KCNU1: variants seen among roughly 807,000 people sequenced by gnomAD.
KCNU1 encodes potassium calcium-activated channel subfamily U member 1.
A neutral mutation model predicts 126.8 loss-of-function variants in KCNU1; 93 were observed. That is an observed-to-expected ratio of 0.73 (90% CI 0.62 to 0.87). The LOEUF (loss-of-function observed/expected upper bound fraction) is 0.87. Among genes scored for constraint, KCNU1 ranks in the 40% least tolerant of loss-of-function variants. KCNU1 has a pLI of 0.00. For synonymous variants in KCNU1, 523 were observed against 494.2 expected (o/e 1.06, Z -0.77); for missense variants, 1,330 against 1,367.1 (o/e 0.97, Z 0.43).
chr8:36,803,671 AATAGATGTTTG>A (rs1803392862), intron 2 of KCNU1, among the ~76,000 whole-genome samples: 1 of 152,324 alleles, frequency 6.6e-6, no homozygotes, highest in African/African-American at 2.4e-5. Context: ...TTAAGCACTT[AATAGATGTTTG>A]ATGAGTGAAT....
chr8:36,794,055 C>CAAA (rs747930765), intron 2 of KCNU1, among the ~76,000 whole-genome samples: 7 of 64,926 alleles, frequency 1.1e-4, no homozygotes, highest in East Asian at 1.0e-3. Flanking sequence ...CTCTGTCTCT[C>CAAA]AAAAAAAAAA....
chr8:36,912,280 C>T (rs1309432706), intron 22 of KCNU1, among the ~76,000 whole-genome samples: 1 of 152,172 alleles, frequency 6.6e-6, no homozygotes, highest in African/African-American at 2.4e-5. Context: ...GACACTGTTG[C>T]TATGCAAGAA....
rs368536733 is a variant in KCNU1 at position 36,864,441 on chromosome 8, A to T, written c.1929A>T (p.Gly643=). 4 of 1,612,394 alleles carry T rather than the reference A, an allele frequency of 2.5e-6. No homozygotes were observed. The African/African-American group carries it at 5.3e-5, about 22-fold the overall frequency. The change falls in exon 19 of 27, where the codon GGA becomes GGT. Residue 643 remains glycine, a synonymous_variant. Coordinates refer to ENST00000399881, the MANE Select transcript of KCNU1 (RefSeq NM_001031836.3). ...AGAGAATGAAAAAATGTCTGAAGGG[A>T]ATCTCCTCTCGTATATCAGGGCAGG... ...SVKRMKKCLK[G]ISSRISGQDS...
rs374392557 is a variant in KCNU1 at position 36,883,544 on chromosome 8, A to T, written c.2009+19023A>T. Among the ~76,000 whole-genome samples the T allele has an allele frequency of 1.2e-4, 18 of 152,122 alleles. No homozygotes were observed. The East Asian group carries it at 2.5e-3, about 21-fold the overall frequency. ...CATGCCTGTAATCCCAGCACTTGGG[A>T]AGGCAGAGGTGGGAGGATCACTTGA... On this transcript the variant is annotated intron_variant, in intron 19 of 26. Coordinates refer to ENST00000399881, the MANE Select transcript of KCNU1 (RefSeq NM_001031836.3).
chr8:36,920,748 G>T (rs753825489), intron 23 of KCNU1, among the ~76,000 whole-genome samples: 1 of 152,248 alleles, frequency 6.6e-6, no homozygotes, highest in Non-Finnish European at 1.5e-5. Context: ...GCGCATGTGT[G>T]TGTGTGGAGG....
intron 24 of KCNU1, chr8:36,923,037 C>T: frequency 6.5e-6 from 3 of 458,390 alleles, no homozygotes; most frequent in South Asian, 4.6e-5. Context: ...AAGCTCTGGC[C>T]TTTGCTGGTG....
intron 4 of KCNU1, 75 bp from the exon 5 acceptor site, chr8:36,806,194 G>T: frequency 1.2e-6 from 1 of 826,630 alleles, no homozygotes; most frequent in Non-Finnish European, 1.9e-6. Flanking sequence ...AAATGCAGCT[G>T]AATAATGCTA....
chr8:36,832,858 T>C (rs1804604490), intron 10 of KCNU1, among the ~76,000 whole-genome samples: 3 of 152,270 alleles, frequency 2.0e-5, no homozygotes, highest in Middle Eastern at 3.4e-3. Flanking sequence ...ATATATTTAA[T>C]ATTTTCAACA....
intron 10 of KCNU1, 89 bp from the exon 11 acceptor site, chr8:36,833,465 C>G: frequency 1.4e-6 from 1 of 729,326 alleles, no homozygotes; most frequent in South Asian, 1.6e-5. Flanking sequence ...AGGGATTCTA[C>G]TAAATGCACC....
intron 2 of KCNU1, among the ~76,000 whole-genome samples, chr8:36,787,700 T>C (rs868540861): frequency 2.1e-3 from 307 of 148,002 alleles, no homozygotes; most frequent in African/African-American, 7.2e-3. Flanking sequence ...TGATATGTTG[T>C]TAATAATGTT....
At chr8:36,866,061 A>G (rs1367487307) in intron 19 of KCNU1, among the ~76,000 whole-genome samples, 3 of 152,114 alleles carry the variant, frequency 2.0e-5, no homozygotes, top group Admixed American at 2.0e-4. Flanking sequence ...AAAAGGTACC[A>G]AGGAATCACT....
At chr8:36,865,392 C>G (rs1374610054) in intron 19 of KCNU1, among the ~76,000 whole-genome samples, 1 of 152,050 alleles carries the variant, frequency 6.6e-6, no homozygotes, top group African/African-American at 2.4e-5. Flanking sequence ...ATTTCAAAGA[C>G]AATTCTGTAC....
chr8:36,792,284 TCTC>T (rs1303493530), intron 2 of KCNU1, among the ~76,000 whole-genome samples: 1 of 152,192 alleles, frequency 6.6e-6, no homozygotes, highest in Non-Finnish European at 1.5e-5. Flanking sequence ...AGGATACTCT[TCTC>T]CTCCCATAAT....
In KCNU1 at chr8:36,857,728, C is replaced by T. The variant is rs145973136; in HGVS notation, c.1892-6676C>T. ...TGGCTTGATCTTGGCTCATTGCAAG[C>T]TCCACCTCCCGGGTTAAAGTGATTC... On this transcript the variant is annotated intron_variant, in intron 18 of 26. Coordinates refer to ENST00000399881, the MANE Select transcript of KCNU1 (RefSeq NM_001031836.3). Among the ~76,000 whole-genome samples, 115 of 152,172 alleles carry T rather than the reference C, an allele frequency of 7.6e-4. 1 individual carries two copies. Among genetic ancestry groups the T allele is most frequent in the African/African-American group, 2.7e-3 (112 of 41,490 alleles).
intron 10 of KCNU1, among the ~76,000 whole-genome samples, chr8:36,827,689 C>G (rs916812479): frequency 1.3e-5 from 2 of 152,068 alleles, no homozygotes; most frequent in African/African-American, 2.4e-5. Context: ...TGTATGTATG[C>G]AAACATAAAC....
intron 19 of KCNU1, among the ~76,000 whole-genome samples, chr8:36,891,752 CT>C (rs139395812): frequency 2.0e-5 from 3 of 151,728 alleles, no homozygotes; most frequent in South Asian, 2.1e-4. Context: ...ACTGATAAGC[CT>C]TTTTTTTGAG....
chr8:36,911,150 T>C (rs1409001227), intron 22 of KCNU1, 31 bp downstream of exon 22: 3 of 1,521,394 alleles, frequency 2.0e-6, no homozygotes, highest in Non-Finnish European at 2.7e-6. Context: ...AAGAAGAAAC[T>C]AGGACGTATG....
chr8:36,826,516 A>C (rs1232135970), intron 10 of KCNU1, among the ~76,000 whole-genome samples: 1 of 151,950 alleles, frequency 6.6e-6, no homozygotes, highest in Non-Finnish European at 1.5e-5. Context: ...GGCCGTATGA[A>C]CTGAATTTCT....
At chr8:36,816,608 A>G (rs1803922339) in intron 9 of KCNU1, among the ~76,000 whole-genome samples, 1 of 152,100 alleles carries the variant, frequency 6.6e-6, no homozygotes, top group Admixed American at 6.6e-5. Flanking sequence ...GGAAAGGCCT[A>G]TGGGGCACAT....
Sources: gnomAD v4.1 joint callset for allele counts (sites outside exome capture counted in the v4.1 genomes callset) on GRCh38, gnomAD v4.1.1 for gene constraint, MANE v1.5 for transcripts, NCBI Gene and HGNC (gene_info 2026-07-23, HGNC 2026-07-21) for gene names.